Variants in RAD51B observed in about 807,000 individuals in gnomAD.
The protein encoded by RAD51B is DNA repair protein RAD51 homolog 2.
Under a neutral mutation model 42.2 loss-of-function variants are expected in RAD51B, and 38 were observed. The ratio of observed to expected loss-of-function variants is 0.90; its 90% CI spans 0.70 to 1.18. The LOEUF (loss-of-function observed/expected upper bound fraction) is 1.18. Ranked by LOEUF, RAD51B falls within the 50% of genes most tolerant of loss-of-function variation. RAD51B has a pLI of 0.00. For synonymous variants in RAD51B, 154 were observed against 145.2 expected (o/e 1.06, Z -0.43); for missense variants, 373 against 400.7 (o/e 0.93, Z 0.59).
chr14:68,322,034 A>G (rs1490978051), intron 8 of RAD51B, among the ~76,000 whole-genome samples: 3 of 152,170 alleles, frequency 2.0e-5, no homozygotes, highest in Non-Finnish European at 4.4e-5. Context: ...TCAGCCTCCA[A>G]AAGTGCTGGG....
intron 10 of RAD51B, among the ~76,000 whole-genome samples, chr14:68,507,755 ACC>A (rs1397443516): frequency 1.3e-5 from 2 of 152,218 alleles, no homozygotes; most frequent in African/African-American, 4.8e-5. Context: ...ATAGCTCAGG[ACC>A]TTGTCCAATC....
chr14:68,077,460 C>A (rs530963420), intron 7 of RAD51B, among the ~76,000 whole-genome samples: 77 of 152,172 alleles, frequency 5.1e-4, no homozygotes, highest in African/African-American at 1.8e-3. Flanking sequence ...TAGAAAGGTG[C>A]CTTATTAACT....
chr14:67,874,026 C>T (rs894129114), intron 5 of RAD51B, among the ~76,000 whole-genome samples: 1 of 151,482 alleles, frequency 6.6e-6, no homozygotes, highest in Non-Finnish European at 1.5e-5. Context: ...CAGCATGGCA[C>T]ATGTATACAT....
At chr14:67,960,667 T>C (rs1391785283) in intron 7 of RAD51B, among the ~76,000 whole-genome samples, 2 of 152,136 alleles carry the variant, frequency 1.3e-5, no homozygotes, top group African/African-American at 4.8e-5. Context: ...CTGCCTTTTT[T>C]CTTTCTTTTT....
chr14:68,422,014 C>T, intron 9 of RAD51B: 1 of 1,530,640 alleles, frequency 6.5e-7, no homozygotes, highest in South Asian at 1.1e-5. Flanking sequence ...CACCCTGACA[C>T]ATAAACCCTG....
chr14:68,026,603 C>G (rs2075960301), intron 7 of RAD51B, among the ~76,000 whole-genome samples: 1 of 151,464 alleles, frequency 6.6e-6, no homozygotes, highest in Non-Finnish European at 1.5e-5. Context: ...TATGTAATGC[C>G]CTTCTTTGTT....
At chr14:68,625,098 C>G (rs1192051856) in intron 10 of RAD51B, among the ~76,000 whole-genome samples, 1 of 152,194 alleles carries the variant, frequency 6.6e-6, no homozygotes, top group African/African-American at 2.4e-5. Context: ...GAGCTGGGAC[C>G]TGGACTAGTC....
At chr14:68,563,279 C>G (rs1040397623) in intron 10 of RAD51B, 2 of 985,420 alleles carry the variant, frequency 2.0e-6, no homozygotes, top group Admixed American at 6.1e-5. Context: ...CAGAATGGGC[C>G]AAGCCGAGCC....
chr14:68,589,457 G>A (rs2256639), intron 10 of RAD51B, among the ~76,000 whole-genome samples: 7,759 of 152,150 alleles, frequency 0.051, 624 homozygotes, highest in African/African-American at 0.17. Flanking sequence ...CACTCAAAAC[G>A]GCTATCACAT....
chr14:67,958,974 A>G (rs1287423881), intron 7 of RAD51B, among the ~76,000 whole-genome samples: 3 of 151,850 alleles, frequency 2.0e-5, no homozygotes, highest in Non-Finnish European at 4.4e-5. Context: ...TCGATCATGA[A>G]TTTTTCTATT....
intron 7 of RAD51B, among the ~76,000 whole-genome samples, chr14:68,225,755 T>C (rs777847920): frequency 1.3e-4 from 20 of 152,206 alleles, no homozygotes; most frequent in Non-Finnish European, 2.5e-4. Flanking sequence ...GCAATCTTTA[T>C]GTACATAGAG....
In RAD51B at chr14:68,198,616, A is replaced by G. The variant is rs1021992282; in HGVS notation, c.757-93268A>G. Among the ~76,000 whole-genome samples, 4 of 152,138 alleles carry G rather than the reference A, an allele frequency of 2.6e-5. No homozygotes were observed. The East Asian group carries it at 7.7e-4, about 29-fold the overall frequency. ...TTAGGTCTCCTTTAATTTCACTCAG[A>G]AATATCTTATGGTTCTCAGTGCAGA... On this transcript the variant is annotated intron_variant, in intron 7 of 10. Transcript: ENST00000471583.
intron 7 of RAD51B, among the ~76,000 whole-genome samples, chr14:68,054,012 T>A (rs1444442610): frequency 6.6e-6 from 1 of 152,268 alleles, no homozygotes; most frequent in Non-Finnish European, 1.5e-5. Context: ...TCCCTCTGAA[T>A]TTTTGGAATT....
At chr14:67,977,238 T>A (rs2075012877) in intron 7 of RAD51B, among the ~76,000 whole-genome samples, 1 of 152,220 alleles carries the variant, frequency 6.6e-6, no homozygotes, top group Admixed American at 6.5e-5. Context: ...GTGCTGTGAG[T>A]GTATCCTGGT....
chr14:67,917,818 C>CTA (rs148341375), intron 7 of RAD51B, among the ~76,000 whole-genome samples: 72 of 150,242 alleles, frequency 4.8e-4, no homozygotes, highest in East Asian at 2.5e-3. Context: ...GAGTTCAGTA[C>CTA]TATATATATA....
chr14:67,933,731 T>G (rs1333497896), intron 7 of RAD51B, among the ~76,000 whole-genome samples: 1 of 152,204 alleles, frequency 6.6e-6, no homozygotes, highest in East Asian at 1.9e-4. Context: ...TAGTGTTCTC[T>G]TCTAGATGTT....
chr14:68,644,629 G>A (rs1265618321), intron 10 of RAD51B, among the ~76,000 whole-genome samples: 2 of 152,212 alleles, frequency 1.3e-5, no homozygotes, highest in Non-Finnish European at 2.9e-5. Flanking sequence ...TCAGGAATAT[G>A]TGAGAAGAAG....
chr14:68,665,686 G>T (rs535067718), intron 11 of RAD51B, among the ~76,000 whole-genome samples: 5 of 152,336 alleles, frequency 3.3e-5, no homozygotes, highest in Non-Finnish European at 7.3e-5. Flanking sequence ...CTTCACATTG[G>T]TACTGCCCCT....
chr14:68,090,970 T>C (rs370728112), intron 7 of RAD51B, among the ~76,000 whole-genome samples: 2 of 150,596 alleles, frequency 1.3e-5, no homozygotes, highest in Non-Finnish European at 3.0e-5. Context: ...TTTGTCCTTG[T>C]GATAGTTTGC....
Sources: gnomAD v4.1 joint callset for allele counts (sites outside exome capture counted in the v4.1 genomes callset) on GRCh38, gnomAD v4.1.1 for gene constraint, MANE v1.5 for transcripts, NCBI Gene and HGNC (gene_info 2026-07-23, HGNC 2026-07-21) for gene names.